SCAF4: variants seen among roughly 807,000 people sequenced by gnomAD.
The protein encoded by SCAF4 is SR-related CTD associated factor 4.
SCAF4 carries 25 observed loss-of-function variants against 129.8 expected under a neutral mutation model. The observed-to-expected ratio is 0.19, with a 90% CI of 0.14 to 0.27. The LOEUF is 0.27. SCAF4 is among the 10% of genes least tolerant of loss of function. The pLI is 1.00. For synonymous variants in SCAF4, 551 were observed against 497.7 expected (o/e 1.11, Z -1.43); for missense variants, 1,246 against 1,457.1 (o/e 0.86, Z 2.36).
intron 19 of SCAF4, among the ~76,000 whole-genome samples, chr21:31,682,922 T>G (rs2050029772): frequency 6.6e-6 from 1 of 152,204 alleles, no homozygotes; most frequent in African/African-American, 2.4e-5. Context: ...TAAAACTCAT[T>G]CCTCTATAAG....
chr21:31,694,709 CT>C lies in SCAF4; in HGVS notation c.1236+103del. The C allele has an allele frequency of 4.3e-6, 5 of 1,157,244 alleles. No individual in the cohort carries two copies. The South Asian group carries it at 6.7e-5, about 16-fold the overall frequency. The allele number at this position is 1,157,244 out of a possible 1,614,324, so 71.7% of individuals were successfully genotyped here. ...GAGAGGGTTTAATATGTACCCAGGT[CT>C]TTCTTCATATTCAAAAATGAAGACA... On this transcript the variant is annotated intron_variant, in intron 10 of 19. Transcript: ENST00000286835.
At chr21:31,730,126 G>A (rs996723220) in intron 1 of SCAF4, among the ~76,000 whole-genome samples, 1 of 152,012 alleles carries the variant, frequency 6.6e-6, no homozygotes, top group Non-Finnish European at 1.5e-5. Context: ...AATTATTTGC[G>A]AGGCACCTGT....
At chr21:31,699,716 A>G (rs560584453) in intron 7 of SCAF4, among the ~76,000 whole-genome samples, 1 of 152,180 alleles carries the variant, frequency 6.6e-6, no homozygotes, top group Non-Finnish European at 1.5e-5. Context: ...TGATGAAACC[A>G]AAGGCATCAG....
intron 1 of SCAF4, among the ~76,000 whole-genome samples, chr21:31,729,244 A>G (rs2051286352): frequency 6.6e-6 from 1 of 152,194 alleles, no homozygotes; most frequent in Non-Finnish European, 1.5e-5. Flanking sequence ...AGCCTTCAGA[A>G]TCAAAATACT....
chr21:31,690,282 C>T (rs773799073), intron 15 of SCAF4, among the ~76,000 whole-genome samples: 3 of 151,840 alleles, frequency 2.0e-5, no homozygotes, highest in African/African-American at 4.8e-5. Flanking sequence ...GTCAGGAGTT[C>T]GAGACCAGCC....
intron 7 of SCAF4, among the ~76,000 whole-genome samples, chr21:31,699,052 G>C (rs1314981518): frequency 6.6e-6 from 1 of 152,070 alleles, no homozygotes; most frequent in African/African-American, 2.4e-5. Context: ...GAAGTGGGAG[G>C]GGGAGAGACG....
chr21:31,719,777 T>C (rs1234187815), intron 1 of SCAF4, among the ~76,000 whole-genome samples: 1 of 152,312 alleles, frequency 6.6e-6, no homozygotes, highest in East Asian at 1.9e-4. Flanking sequence ...GTGCTGGGAT[T>C]ACAGGCGTGA....
At chr21:31,698,571 T>C (rs1249257017) in intron 7 of SCAF4, among the ~76,000 whole-genome samples, 1 of 152,194 alleles carries the variant, frequency 6.6e-6, no homozygotes, top group African/African-American at 2.4e-5. Flanking sequence ...ATCTAGGTGT[T>C]GCTGTGAAGG....
chr21:31,712,466 C>T (rs2050823455), intron 1 of SCAF4, among the ~76,000 whole-genome samples: 1 of 151,684 alleles, frequency 6.6e-6, no homozygotes, highest in Non-Finnish European at 1.5e-5. Flanking sequence ...GATCTGCCCA[C>T]CTCAGCCTCC....
chr21:31,688,114 C>CAAAAGAAAAAAAAAAAA (rs2050170256), intron 16 of SCAF4, among the ~76,000 whole-genome samples, 193 bp downstream of exon 16: 1 of 10,908 alleles, frequency 9.2e-5, no homozygotes, highest in Admixed American at 2.3e-3. Context: ...GACTCTGTCT[C>CAAAAGAAAAAAAAAAAA]AAAAAAAAAA....
Position 31,706,384 on chromosome 21 carries a change from G to T in SCAF4, c.31-27C>A. 7 of 1,489,960 alleles carry T rather than the reference G, an allele frequency of 4.7e-6. No individual in the cohort carries two copies. The South Asian group carries it at 7.1e-5, about 15-fold the overall frequency. 92.3% of individuals were successfully genotyped at this position (1,489,960 alleles called of 1,614,324 possible). On this transcript the variant is annotated intron_variant, in intron 1 of 19. Transcript: ENST00000286835. ...TTAAAAGACAAAAAACAAACAAAAAGTAAAGTTTAACTATTTGGCTAGTAA... is the reference window on the plus strand; with the variant it reads ...TTAAAAGACAAAAAACAAACAAAAATTAAAGTTTAACTATTTGGCTAGTAA...
chr21:31,700,437 G>A (rs1378394699), intron 7 of SCAF4, among the ~76,000 whole-genome samples: 2 of 151,894 alleles, frequency 1.3e-5, no homozygotes, highest in Non-Finnish European at 2.9e-5. Flanking sequence ...AAAACTGAAA[G>A]CAATTTGAAT....
intron 3 of SCAF4, among the ~76,000 whole-genome samples, chr21:31,705,012 T>TA (rs2050623374): frequency 6.6e-6 from 1 of 152,202 alleles, no homozygotes; most frequent in African/African-American, 2.4e-5. Context: ...ATCACACAGT[T>TA]ATAAAACAAC....
chr21:31,700,833 A>C, intron 7 of SCAF4, 162 bp downstream of exon 7: 5 of 860,310 alleles, frequency 5.8e-6, no homozygotes, highest in Non-Finnish European at 9.4e-6. Context: ...ATCACATTTA[A>C]AACCAGGGAA....
chr21:31,701,978 T>G lies in SCAF4; in HGVS notation c.458-60A>C. On this transcript the variant is annotated intron_variant, in intron 5 of 19. Transcript: ENST00000286835. ...AAGTTAACCTACAAGTTTTCCTAATTAAGCTTCTTTGCTAAAATAACATTT... is the reference window on the plus strand; with the variant it reads ...AAGTTAACCTACAAGTTTTCCTAATGAAGCTTCTTTGCTAAAATAACATTT... 4 of 1,567,014 alleles carry G rather than the reference T, an allele frequency of 2.6e-6. No individual in the cohort carries two copies. The South Asian group carries it at 4.7e-5, about 18-fold the overall frequency.
rs769202087 is a variant in SCAF4, at chr21:31,701,928, A to G, written c.458-10T>C. 28 of 1,613,282 alleles carry G rather than the reference A, an allele frequency of 1.7e-5. No homozygotes were observed. Among genetic ancestry groups the G allele is most frequent in the Non-Finnish European group, 2.2e-5 (26 of 1,179,720 alleles). ...GGAGGTGGAGGTGAGCCTAAAAAAGAAAAGGGCATTAAGGCCTAAAAAAAA... is the reference window on the plus strand; with the variant it reads ...GGAGGTGGAGGTGAGCCTAAAAAAGGAAAGGGCATTAAGGCCTAAAAAAAA... On this transcript the variant is annotated splice_polypyrimidine_tract_variant and intron_variant, in intron 5 of 19. Transcript: ENST00000286835.
At chr21:31,695,413 A>G (rs1205446776) in intron 9 of SCAF4, among the ~76,000 whole-genome samples, 1 of 152,210 alleles carries the variant, frequency 6.6e-6, no homozygotes, top group Non-Finnish European at 1.5e-5. Flanking sequence ...GGGGAATTTC[A>G]ACTAACATAC....
rs1350194881 is a variant in SCAF4 at position 31,685,888 on chromosome 21, T to C, written c.2044-155A>G. 2.6e-5 allele frequency among the ~76,000 whole-genome samples: 4 copies of C among 152,204 alleles called. No individual in the cohort carries two copies. In the East Asian group the frequency reaches 7.7e-4, roughly 29 times the overall value. On this transcript the variant is annotated intron_variant, in intron 16 of 19. Transcript: ENST00000286835. ...TAAATAACAGGTGGTAGTTAACTTC[T>C]ATTCATACCAACTGATAGAAATCAA...
intron 2 of SCAF4, 111 bp from the exon 3 acceptor site, chr21:31,705,578 T>A (rs978775364): frequency 1.1e-4 from 44 of 384,114 alleles, no homozygotes; most frequent in East Asian, 3.2e-4. Context: ...TTATCAATAC[T>A]GAATGAACCA....
Sources: allele counts gnomAD v4.1 joint callset (sites outside exome capture counted in the v4.1 genomes callset), GRCh38; gene constraint gnomAD v4.1.1; transcripts MANE v1.5; gene names NCBI Gene and HGNC (gene_info 2026-07-23, HGNC 2026-07-21).